The following LGSN variants were observed in gnomAD, a reference collection of about 807,000 sequenced individuals.
LGSN encodes the protein lengsin, lens protein with glutamine synthetase domain.
In LGSN, 21 loss-of-function variants were observed where a neutral mutation model predicts 19.5. The ratio of observed to expected loss-of-function variants is 1.07; its 90% CI spans 0.76 to 1.55. The LOEUF is 1.55. Ranked by LOEUF, LGSN falls within the 40% of genes most tolerant of loss-of-function variation. The probability of loss-of-function intolerance (pLI) is 0.00; values close to 1 mark genes in which losing one functional copy is unlikely to be tolerated. For synonymous variants in LGSN, 257 were observed against 215.6 expected (o/e 1.19, Z -1.68); for missense variants, 673 against 608.5 (o/e 1.11, Z -1.12).
chr6:63,381,394 C>T, the LGSN span, among the ~76,000 whole-genome samples: 3 of 152,178 alleles, frequency 2.0e-5, no homozygotes, highest in African/African-American at 7.2e-5. Flanking sequence ...AACAACCGCT[C>T]TTAAATTTCA....
the LGSN span, among the ~76,000 whole-genome samples, chr6:63,478,069 A>C: frequency 6.6e-6 from 1 of 152,076 alleles, no homozygotes; most frequent in Non-Finnish European, 1.5e-5. Context: ...TCAAGGGAAA[A>C]AACAAAATAA....
the LGSN span, among the ~76,000 whole-genome samples, chr6:63,329,961 C>T: frequency 4.2e-4 from 64 of 152,254 alleles, no homozygotes; most frequent in African/African-American, 1.1e-3. Context: ...GAGAAGGCCG[C>T]GCTAGTGTCC....
the LGSN span, among the ~76,000 whole-genome samples, chr6:63,382,082 T>C: frequency 6.6e-5 from 10 of 152,332 alleles, no homozygotes; most frequent in Non-Finnish European, 1.0e-4. Context: ...CATTAAGGCT[T>C]CTCACTTTCA....
the LGSN span, among the ~76,000 whole-genome samples, chr6:63,550,730 T>C: frequency 6.6e-6 from 1 of 151,970 alleles, no homozygotes; most frequent in Non-Finnish European, 1.5e-5. Flanking sequence ...GTTCAAGCAA[T>C]TCTCCCAGAC....
chr6:63,556,137 A>G, the LGSN span, among the ~76,000 whole-genome samples: 5 of 152,270 alleles, frequency 3.3e-5, no homozygotes, highest in East Asian at 7.7e-4. Context: ...CTAATACAAG[A>G]AAACAGTTTA....
intron 3 of LGSN, among the ~76,000 whole-genome samples, chr6:63,284,857 A>G (rs896795047): frequency 1.4e-4 from 21 of 152,208 alleles, no homozygotes; most frequent in Admixed American, 1.3e-3. Flanking sequence ...TAAAAATTAG[A>G]ATCTGATGTT....
upstream of LGSN, among the ~76,000 whole-genome samples, chr6:63,321,646 T>A (rs748728759): frequency 2.0e-5 from 3 of 152,190 alleles, no homozygotes; most frequent in Non-Finnish European, 2.9e-5. Context: ...ATATGGTGTA[T>A]AACCTAATTT....
chr6:63,521,096 A>C, the LGSN span, among the ~76,000 whole-genome samples: 5 of 152,064 alleles, frequency 3.3e-5, no homozygotes, highest in Admixed American at 6.6e-5. Context: ...GGTGGGGGAA[A>C]AGGGGAGGGA....
the LGSN span, among the ~76,000 whole-genome samples, chr6:63,364,009 A>C: frequency 6.6e-6 from 1 of 152,230 alleles, no homozygotes. Flanking sequence ...GCTAGGAAGA[A>C]ACTGCATCAA....
At chr6:63,520,981 G>A in the LGSN span, among the ~76,000 whole-genome samples, 1 of 152,022 alleles carries the variant, frequency 6.6e-6, no homozygotes, top group Non-Finnish European at 1.5e-5. Flanking sequence ...ACTAACACAG[G>A]AACAGGAAAC....
At chr6:63,459,719 G>C in the LGSN span, among the ~76,000 whole-genome samples, 1 of 152,080 alleles carries the variant, frequency 6.6e-6, no homozygotes, top group South Asian at 2.1e-4. Context: ...TTCGAGAACA[G>C]CCTGACCAAC....
chr6:63,412,457 A>G, the LGSN span, among the ~76,000 whole-genome samples: 86 of 127,962 alleles, frequency 6.7e-4, 2 homozygotes, highest in African/African-American at 3.1e-3. Flanking sequence ...AAAGAAAGAA[A>G]GAAAGAAAAA....
chr6:63,472,342 G>A, the LGSN span, among the ~76,000 whole-genome samples: 23 of 152,276 alleles, frequency 1.5e-4, no homozygotes, highest in Middle Eastern at 3.4e-3. Flanking sequence ...TTTAAAGGTG[G>A]AGAAATAGCA....
chr6:63,539,290 T>G, the LGSN span, among the ~76,000 whole-genome samples: 1 of 152,176 alleles, frequency 6.6e-6, no homozygotes, highest in Non-Finnish European at 1.5e-5. Context: ...TAAAGAGTAA[T>G]TCAATAAGTA....
the LGSN span, among the ~76,000 whole-genome samples, chr6:63,347,960 A>G: frequency 1.3e-5 from 2 of 152,230 alleles, no homozygotes; most frequent in Admixed American, 1.3e-4. Flanking sequence ...AGAAAATAAG[A>G]TATAAGATCA....
chr6:63,337,413 G>C, the LGSN span, among the ~76,000 whole-genome samples: 1 of 151,776 alleles, frequency 6.6e-6, no homozygotes, highest in African/African-American at 2.4e-5. Flanking sequence ...CGAGGTAGAG[G>C]TTACAGTGAG....
chr6:63,441,834 C>CG, the LGSN span: 1 of 301,028 alleles, frequency 3.3e-6, no homozygotes, highest in Non-Finnish European at 6.4e-6. Context: ...CTTTGTGCAG[C>CG]GGGGGCGCTG....
At chr6:63,288,519 C>T (rs138482307) in intron 2 of LGSN, among the ~76,000 whole-genome samples, 133 of 151,380 alleles carry the variant, frequency 8.8e-4, no homozygotes, top group African/African-American at 3.0e-3. Flanking sequence ...TTGATCACAA[C>T]ATGGACAGCT....
the LGSN span, among the ~76,000 whole-genome samples, chr6:63,360,847 T>A: frequency 6.6e-6 from 1 of 152,242 alleles, no homozygotes; most frequent in Non-Finnish European, 1.5e-5. Flanking sequence ...GTGGATGTCC[T>A]TTCTGTTTGT....
Sources: gnomAD v4.1 joint callset for allele counts (sites outside exome capture counted in the v4.1 genomes callset) on GRCh38, gnomAD v4.1.1 for gene constraint, MANE v1.5 for transcripts, NCBI Gene and HGNC (gene_info 2026-07-23, HGNC 2026-07-21) for gene names.